The following PTPRD variants were observed in gnomAD, a reference collection of about 807,000 sequenced individuals.
The protein encoded by PTPRD is receptor-type tyrosine-protein phosphatase delta.
PTPRD carries 34 observed loss-of-function variants against 214.5 expected under a neutral mutation model. The observed-to-expected ratio is 0.16, with a 90% CI of 0.12 to 0.21. The LOEUF is 0.21. Among genes scored for constraint, PTPRD ranks in the 10% least tolerant of loss-of-function variants. The pLI, the probability that PTPRD is intolerant of heterozygous loss-of-function variation, is 1.00. For missense variants in PTPRD, 2,545 were observed against 2,398.7 expected, an observed-to-expected ratio of 1.06 and a Z score of -1.27; for synonymous variants, 1,128 against 845.7, an observed-to-expected ratio of 1.33 and a Z score of -5.79.
chr9:10,332,569 A>G (rs190385022), intron 3 of PTPRD, among the ~76,000 whole-genome samples: 1 of 151,962 alleles, frequency 6.6e-6, no homozygotes, highest in Admixed American at 6.6e-5. Flanking sequence ...TTCACATAGT[A>G]TGACATACTA....
intron 4 of PTPRD, among the ~76,000 whole-genome samples, chr9:9,972,784 A>C (rs10115147): frequency 0.45 from 68,237 of 151,878 alleles, 15,727 homozygotes; most frequent in Middle Eastern, 0.54. Context: ...GGGCATCATT[A>C]CTAGCTTTTG....
chr9:9,078,047 T>G (rs1479155482), intron 10 of PTPRD, among the ~76,000 whole-genome samples: 2 of 152,216 alleles, frequency 1.3e-5, no homozygotes, highest in East Asian at 3.9e-4. Context: ...TTCAAGGGCC[T>G]TGACATTTTC....
chr9:9,754,657 C>T (rs1407495115), intron 6 of PTPRD, among the ~76,000 whole-genome samples: 1 of 152,024 alleles, frequency 6.6e-6, no homozygotes, highest in Non-Finnish European at 1.5e-5. Flanking sequence ...GTTGAAATTA[C>T]ATTAACCTAA....
intron 12 of PTPRD, among the ~76,000 whole-genome samples, chr9:8,715,851 T>A (rs1046923995): frequency 6.6e-6 from 1 of 152,246 alleles, no homozygotes; most frequent in African/African-American, 2.4e-5. Context: ...CACCAAATGT[T>A]TAGCCTTCAG....
At chr9:9,443,008 A>G (rs939296177) in intron 8 of PTPRD, among the ~76,000 whole-genome samples, 37 of 152,228 alleles carry the variant, frequency 2.4e-4, no homozygotes, top group African/African-American at 8.9e-4. Context: ...TCTTAGTGAT[A>G]AGTATTCTTT....
chr9:9,442,136 T>C (rs1222151793), intron 8 of PTPRD: 2 of 152,060 alleles, frequency 1.3e-5, no homozygotes, highest in Non-Finnish European at 2.9e-5. Flanking sequence ...AGTCCAGGAG[T>C]TCTGGGCTGT....
intron 3 of PTPRD, among the ~76,000 whole-genome samples, chr9:10,041,943 C>A (rs1483984991): frequency 6.6e-6 from 1 of 151,990 alleles, no homozygotes; most frequent in African/African-American, 2.4e-5. Context: ...TCTTCAGTGA[C>A]AGAATTTCTG....
intron 14 of PTPRD, among the ~76,000 whole-genome samples, chr9:8,618,906 G>GTTTTTTTT (rs1270022921): frequency 4.1e-5 from 4 of 96,840 alleles, no homozygotes; most frequent in Admixed American, 3.0e-4. Flanking sequence ...GTTTGTCTGT[G>GTTTTTTTT]TTTTTTTGTT....
In PTPRD at chr9:9,129,776, C is replaced by T. The variant is rs375424323; in HGVS notation, c.-143+53528G>A. 7.2e-5 allele frequency among the ~76,000 whole-genome samples: 11 copies of T among 152,230 alleles called. No homozygotes were observed. The East Asian group carries it at 1.5e-3, about 21-fold the overall frequency. On this transcript the variant is annotated intron_variant, in intron 10 of 45. Transcript: ENST00000381196. ...TGACTACATCCCACATACATATTGA[C>T]ATTGTAGTTATTTGTCCAACCAGAA...
At chr9:10,518,258 T>C (rs2050790744) in intron 2 of PTPRD, among the ~76,000 whole-genome samples, 1 of 152,184 alleles carries the variant, frequency 6.6e-6, no homozygotes, top group African/African-American at 2.4e-5. Flanking sequence ...ACCAACTACA[T>C]AAATCATGAA....
intron 9 of PTPRD, among the ~76,000 whole-genome samples, chr9:9,209,815 A>T (rs2099947370): frequency 6.6e-6 from 1 of 152,176 alleles, no homozygotes; most frequent in Non-Finnish European, 1.5e-5. Context: ...GCAATTAGTA[A>T]GTTAGCCTAC....
intron 14 of PTPRD, among the ~76,000 whole-genome samples, chr9:8,631,171 G>C (rs948951323): frequency 6.6e-6 from 1 of 151,812 alleles, no homozygotes; most frequent in Non-Finnish European, 1.5e-5. Flanking sequence ...ACTTTCCATA[G>C]TGCATATTAC....
intron 3 of PTPRD, among the ~76,000 whole-genome samples, chr9:10,126,871 G>A (rs2098823807): frequency 1.3e-5 from 2 of 150,496 alleles, no homozygotes; most frequent in South Asian, 4.2e-4. Context: ...TGGCAGTCTA[G>A]AATTTGGTAG....
intron 10 of PTPRD, among the ~76,000 whole-genome samples, chr9:9,143,532 G>A (rs893642757): frequency 1.3e-5 from 2 of 152,114 alleles, no homozygotes; most frequent in African/African-American, 4.8e-5. Flanking sequence ...AATCATTGAT[G>A]GTAATGTGGA....
At chr9:8,711,163 C>T (rs1241142528) in intron 12 of PTPRD, among the ~76,000 whole-genome samples, 1 of 151,852 alleles carries the variant, frequency 6.6e-6, no homozygotes, top group African/African-American at 2.4e-5. Flanking sequence ...GAATCACTAC[C>T]AATATATATG....
intron 9 of PTPRD, among the ~76,000 whole-genome samples, chr9:9,333,266 C>G (rs1205763608): frequency 6.6e-6 from 1 of 151,352 alleles, no homozygotes; most frequent in Non-Finnish European, 1.5e-5. Context: ...TGAAATGTGG[C>G]TGCAGAGTAA....
At chr9:8,344,186 A>G (rs1855290300) in intron 39 of PTPRD, among the ~76,000 whole-genome samples, 1 of 152,040 alleles carries the variant, frequency 6.6e-6, no homozygotes, top group Non-Finnish European at 1.5e-5. Context: ...AATTGTCTTC[A>G]TTGCAGCTGT....
chr9:9,990,633 AAAG>A (rs1474769796), intron 4 of PTPRD, among the ~76,000 whole-genome samples: 1 of 152,232 alleles, frequency 6.6e-6, no homozygotes, highest in Non-Finnish European at 1.5e-5. Context: ...TAGAAAATAG[AAAG>A]TAGTTTAGCC....
chr9:9,975,327 C>T (rs999088608), intron 4 of PTPRD, among the ~76,000 whole-genome samples: 4 of 152,226 alleles, frequency 2.6e-5, no homozygotes, highest in African/African-American at 9.6e-5. Flanking sequence ...GACATAAATA[C>T]TTAACTGTGG....
Sources: gnomAD v4.1 joint callset for allele counts (sites outside exome capture counted in the v4.1 genomes callset) on GRCh38, gnomAD v4.1.1 for gene constraint, MANE v1.5 for transcripts, NCBI Gene and HGNC (gene_info 2026-07-23, HGNC 2026-07-21) for gene names.